Variants in FRAS1 observed in about 807,000 individuals in gnomAD.
The protein encoded by FRAS1 is Fraser extracellular matrix complex subunit 1.
A neutral mutation model predicts 435.2 loss-of-function variants in FRAS1; 290 were observed. The observed-to-expected ratio is 0.67, with a 90% CI of 0.61 to 0.73. The LOEUF is 0.73. Ranked by LOEUF, FRAS1 falls within the 30% of genes least tolerant of loss-of-function variation. The pLI, the probability that FRAS1 is intolerant of heterozygous loss-of-function variation, is 0.00. For missense variants in FRAS1, 4,860 were observed against 5,001.5 expected (o/e 0.97, Z 0.85); for synonymous variants, 1,800 against 1,851.0 (o/e 0.97, Z 0.71).
intron 4 of FRAS1, among the ~76,000 whole-genome samples, chr4:78,248,899 A>G (rs569946048): frequency 2.0e-5 from 3 of 151,654 alleles, no homozygotes; most frequent in African/African-American, 7.2e-5. Flanking sequence ...TCGAAACAGT[A>G]TTAATGAGGT....
intron 15 of FRAS1, among the ~76,000 whole-genome samples, chr4:78,308,584 A>G (rs1455251369): frequency 6.6e-6 from 1 of 152,208 alleles, no homozygotes; most frequent in Non-Finnish European, 1.5e-5. Flanking sequence ...GTACATGGGG[A>G]CAAAGAGACT....
intron 4 of FRAS1, among the ~76,000 whole-genome samples, chr4:78,246,066 C>T (rs1383989903): frequency 6.6e-6 from 1 of 152,160 alleles, no homozygotes. Context: ...CATTTCAGAT[C>T]ATTCAGGATT....
chr4:78,519,184 TAAG>T, intron 66 of FRAS1, 144 bp from the exon 67 acceptor site: 2 of 539,014 alleles, frequency 3.7e-6, no homozygotes, highest in Non-Finnish European at 5.8e-6. Flanking sequence ...TTTAAATAAG[TAAG>T]TGCAATCATG....
intron 61 of FRAS1, among the ~76,000 whole-genome samples, chr4:78,506,937 T>A (rs1317659147): frequency 1.3e-5 from 2 of 152,184 alleles, no homozygotes; most frequent in Non-Finnish European, 2.9e-5. Flanking sequence ...TCCAGGTCAC[T>A]CACCCTCCAT....
At chr4:78,506,072 A>AGCAAATATTGCAGAACG (rs1720830199) in intron 61 of FRAS1, among the ~76,000 whole-genome samples, 1 of 152,240 alleles carries the variant, frequency 6.6e-6, no homozygotes. Context: ...GCTGTAGAAC[A>AGCAAATATTGCAGAACG]GCAAATATTG....
At chr4:78,521,908 C>T (rs74728132) in intron 68 of FRAS1, among the ~76,000 whole-genome samples, 21,229 of 152,148 alleles carry the variant, frequency 0.14, 1,783 homozygotes, top group Non-Finnish European at 0.2. Flanking sequence ...ATCACTTCTA[C>T]GATATTTAGC....
At chr4:78,187,995 T>C (rs1722346901) in intron 2 of FRAS1, among the ~76,000 whole-genome samples, 1 of 152,180 alleles carries the variant, frequency 6.6e-6, no homozygotes, top group African/African-American at 2.4e-5. Flanking sequence ...GGTGATGCAA[T>C]TAAACAAGAC....
chr4:78,382,638 A>T (rs1016306658), intron 27 of FRAS1, among the ~76,000 whole-genome samples: 1 of 152,210 alleles, frequency 6.6e-6, no homozygotes, highest in Non-Finnish European at 1.5e-5. Flanking sequence ...ATCATTTTTT[A>T]AAAAGCAATC....
chr4:78,282,728 G>A, intron 11 of FRAS1, 92 bp from the exon 12 acceptor site: 1 of 1,472,186 alleles, frequency 6.8e-7, no homozygotes, highest in Non-Finnish European at 9.4e-7. Context: ...CCTTCACTTT[G>A]TTCTTATGGA....
chr4:78,376,733 G>A (rs1425999845), intron 26 of FRAS1, among the ~76,000 whole-genome samples: 1 of 152,154 alleles, frequency 6.6e-6, no homozygotes, highest in African/African-American at 2.4e-5. Flanking sequence ...GCTCACGCCT[G>A]TAATCCCAGC....
In FRAS1 at chr4:78,410,483, A is replaced by G. The variant is rs138470127; in HGVS notation, c.4309-2486A>G. Reference sequence around the variant, plus strand: ...AAAAACTCACTGGATGAAGACATCCAGTTGAATGAACATTATTACTTACAA... The same window carrying G: ...AAAAACTCACTGGATGAAGACATCCGGTTGAATGAACATTATTACTTACAA... On this transcript the variant is annotated intron_variant, in intron 31 of 73. Transcript: ENST00000512123. Among the ~76,000 whole-genome samples, 405 of 152,226 alleles carry G rather than the reference A, an allele frequency of 2.7e-3. 1 individual carries two copies. The highest frequency in any genetic ancestry group is 9.3e-3 in the African/African-American group (388 of 41,566).
intron 5 of FRAS1, among the ~76,000 whole-genome samples, chr4:78,254,921 C>A (rs1448431550): frequency 6.6e-6 from 1 of 152,122 alleles, no homozygotes; most frequent in African/African-American, 2.4e-5. Context: ...AGGGCGCATG[C>A]AACCTCCTGG....
chr4:78,374,030 A>T (rs1731616055), intron 24 of FRAS1, 81 bp from the exon 25 acceptor site: 2 of 1,384,116 alleles, frequency 1.4e-6, no homozygotes, highest in African/African-American at 1.4e-5. Flanking sequence ...GCTGCTGGAC[A>T]TCTCATGCTG....
At chr4:78,494,232 T>A (rs749479342) in intron 59 of FRAS1, among the ~76,000 whole-genome samples, 34 of 152,314 alleles carry the variant, frequency 2.2e-4, no homozygotes, top group South Asian at 1.7e-3. Context: ...GTTTTTTAGG[T>A]GTACATGTAA....
At chr4:78,269,373 A>G (rs1296065136) in intron 9 of FRAS1, among the ~76,000 whole-genome samples, 6 of 152,182 alleles carry the variant, frequency 3.9e-5, no homozygotes, top group Admixed American at 6.5e-5. Flanking sequence ...CCCTTTTGAT[A>G]TTTTTATTCA....
intron 14 of FRAS1, among the ~76,000 whole-genome samples, chr4:78,286,934 T>A (rs1280781520): frequency 6.6e-6 from 1 of 152,180 alleles, no homozygotes; most frequent in Non-Finnish European, 1.5e-5. Flanking sequence ...AAAAAGTAAA[T>A]GTCTAAATAA....
intron 2 of FRAS1, among the ~76,000 whole-genome samples, chr4:78,186,721 G>A (rs1374924216): frequency 6.6e-6 from 1 of 152,110 alleles, no homozygotes; most frequent in Non-Finnish European, 1.5e-5. Flanking sequence ...TTTTCTAGTG[G>A]CAACTAAATA....
At chr4:78,414,221 C>A (rs902686155) in intron 32 of FRAS1, among the ~76,000 whole-genome samples, 1 of 152,202 alleles carries the variant, frequency 6.6e-6, no homozygotes, top group African/African-American at 2.4e-5. Context: ...ACTGGAGGAA[C>A]TTGGATCAGA....
chr4:78,165,076 T>C (rs915872719), intron 2 of FRAS1, among the ~76,000 whole-genome samples: 2 of 152,210 alleles, frequency 1.3e-5, no homozygotes, highest in Non-Finnish European at 2.9e-5. Flanking sequence ...GCATGAATTA[T>C]GCTAGAATTC....
Sources: allele counts gnomAD v4.1 joint callset (sites outside exome capture counted in the v4.1 genomes callset), GRCh38; gene constraint gnomAD v4.1.1; transcripts MANE v1.5; gene names NCBI Gene and HGNC (gene_info 2026-07-23, HGNC 2026-07-21).